The following THAP9 variants were observed in gnomAD, a reference collection of about 807,000 sequenced individuals.
THAP9 encodes the protein DNA transposase THAP9.
A neutral mutation model predicts 35.7 loss-of-function variants in THAP9; 20 were observed. That is an observed-to-expected ratio of 0.56 (90% CI 0.39 to 0.81). The LOEUF (loss-of-function observed/expected upper bound fraction) is 0.81. Ranked by LOEUF, THAP9 falls within the 40% of genes least tolerant of loss-of-function variation. THAP9 has a pLI of 0.00. For synonymous variants in THAP9, 335 were observed against 373.7 expected (o/e 0.90, Z 1.19); for missense variants, 870 against 1,047.4 (o/e 0.83, Z 2.34).
At chr4:82,901,006 G>T in intron 1 of THAP9, 124 bp downstream of exon 1, 3 of 1,177,910 alleles carry the variant, frequency 2.5e-6, no homozygotes, top group Non-Finnish European at 3.7e-6. Context: ...GACGTGACGT[G>T]CGCAGCGTCG....
rs189962084 is a variant in THAP9, at chr4:82,907,265, G to T, written c.581-520G>T. Among the ~76,000 whole-genome samples the T allele has an allele frequency of 5.3e-5, 8 of 152,262 alleles. No individual in the cohort carries two copies. The East Asian group carries it at 1.5e-3, about 29-fold the overall frequency. On this transcript the variant is annotated intron_variant, in intron 3 of 4. Coordinates refer to ENST00000302236, the MANE Select transcript of THAP9 (RefSeq NM_024672.6). ...AAATGTGTCCTCTTTTTAGAAAAGA[G>T]TAGCTATCTCCAAAGGAGATGAATA...
rs112971725 is a variant in THAP9 at position 82,915,403 on chromosome 4, C to A, written c.732-1541C>A. Among the ~76,000 whole-genome samples the A allele has an allele frequency of 7.3e-3, 1,106 of 152,056 alleles. 14 individuals carry two copies. Among genetic ancestry groups the A allele is most frequent in the Middle Eastern group, 0.01 (3 of 294 alleles). ...TCCTGAGTGGCTGGGATTACAGGTGCGCGCCACCATGCCCAGCTAATTTTT... is the reference window on the plus strand; with the variant it reads ...TCCTGAGTGGCTGGGATTACAGGTGAGCGCCACCATGCCCAGCTAATTTTT... On this transcript the variant is annotated intron_variant, in intron 4 of 4. Coordinates refer to ENST00000302236, the MANE Select transcript of THAP9 (RefSeq NM_024672.6).
intron 4 of THAP9, among the ~76,000 whole-genome samples, chr4:82,909,495 A>G (rs1012753894): frequency 2.6e-5 from 4 of 151,964 alleles, no homozygotes; most frequent in South Asian, 2.1e-4. Flanking sequence ...TAAATTTCCA[A>G]CCAGCCTTTT....
At chr4:82,905,847 T>C in intron 2 of THAP9, 1 of 455,822 alleles carries the variant, frequency 2.2e-6, no homozygotes, top group South Asian at 1.6e-5. Context: ...TGTATTATTA[T>C]CCACATTTTA....
rs1163943892 is a variant in THAP9 at position 82,917,060 on chromosome 4, G to A, written c.848G>A (p.Ser283Asn). ...LYQYCSLLIK[S>N]MPLKQQLQWD... Reference sequence around the variant, plus strand: ...CAATACTGTTCATTGTTAATAAAAAGTATGCCTCTCAAGCAACAGCTTCAG... The same window carrying A: ...CAATACTGTTCATTGTTAATAAAAAATATGCCTCTCAAGCAACAGCTTCAG... The change falls in exon 5 of 5, where the codon AGT becomes AAT. Residue 283 changes from serine (S) to asparagine (N), a missense_variant. Transcript: ENST00000302236. The A allele has an allele frequency of 6.2e-7, 1 of 1,613,176 alleles. No individual in the cohort carries two copies. The highest frequency in any genetic ancestry group is 2.2e-5 in the East Asian group (1 of 44,880).
At chr4:82,906,053 A>G (rs1212859240) in intron 2 of THAP9, 7 of 413,850 alleles carry the variant, frequency 1.7e-5, no homozygotes, top group Non-Finnish European at 2.8e-5. Context: ...CACTTCCATG[A>G]AGCCATCCCA....
chr4:82,906,425 T>G lies in THAP9; in HGVS notation c.378T>G (p.Tyr126Ter), dbSNP rs1464203908. 6.2e-7 allele frequency: 1 copy of G among 1,613,712 alleles called. No homozygotes were observed. The highest frequency in any genetic ancestry group is 2.2e-5 in the East Asian group (1 of 44,874). ...SQEVATEDHN[Y>*]SLKTPLTIGA... ...AAGTTGCTACTGAGGACCATAACTATAGTTTAAAGACACCTTTGACGATAG... is the reference window on the plus strand; with the variant it reads ...AAGTTGCTACTGAGGACCATAACTAGAGTTTAAAGACACCTTTGACGATAG... Residue 126 changes from tyrosine to a stop codon, truncating the protein, a stop_gained, in exon 3 of 5, where the codon TAT becomes TAG. Coordinates refer to ENST00000302236, the MANE Select transcript of THAP9 (RefSeq NM_024672.6). LOFTEE classifies it high-confidence loss of function.
At position 82,917,770 on chromosome 4, in the gene THAP9, A is replaced by C; in HGVS notation, c.1558A>C (p.Ile520Leu). ...ACGTTTAATTAACAATCTGTTTGAC[A>C]TCTTTAATAGTAGGAACTGTTATGG... ...FLRLINNLFD[I>L]FNSRNCYGKG... The change falls in exon 5 of 5, where the codon ATC (isoleucine) becomes CTC (leucine). Residue 520 changes from isoleucine to leucine, a missense_variant. Physicochemically the swap from Ile to Leu is conservative, Grantham distance 5 (BLOSUM62 2). Transcript: ENST00000302236. The C allele has an allele frequency of 6.2e-7, 1 of 1,614,044 alleles. No individual in the cohort carries two copies. Among genetic ancestry groups the C allele is most frequent in the Non-Finnish European group, 8.5e-7 (1 of 1,179,984 alleles).
chr4:82,910,419 G>A (rs960346088), intron 4 of THAP9, among the ~76,000 whole-genome samples: 3 of 137,296 alleles, frequency 2.2e-5, no homozygotes, highest in African/African-American at 5.4e-5. Context: ...GCAGTTTTGT[G>A]TATATCCTCC....
intron 4 of THAP9, among the ~76,000 whole-genome samples, chr4:82,913,012 T>A (rs1380467595): frequency 6.6e-6 from 1 of 152,192 alleles, no homozygotes; most frequent in East Asian, 1.9e-4. Flanking sequence ...ATAAAGACAT[T>A]AACAGTAACT....
intron 4 of THAP9, among the ~76,000 whole-genome samples, chr4:82,908,780 G>A (rs1215090465): frequency 6.6e-6 from 1 of 152,098 alleles, no homozygotes; most frequent in Non-Finnish European, 1.5e-5. Flanking sequence ...ATTTTTAGTA[G>A]AGACGGGATT....
intron 4 of THAP9, among the ~76,000 whole-genome samples, chr4:82,914,171 T>C (rs1720963646): frequency 6.6e-6 from 1 of 152,270 alleles, no homozygotes; most frequent in African/African-American, 2.4e-5. Flanking sequence ...CATTCTTTTT[T>C]ATGGCTACAT....
Position 82,918,438 on chromosome 4 carries a change from G to A in THAP9, c.2226G>A (p.Ser742=), listed in dbSNP as rs1319635662. 12 of 1,613,940 alleles carry A rather than the reference G, an allele frequency of 7.4e-6. No individual in the cohort carries two copies. Among genetic ancestry groups the A allele is most frequent in the East Asian group, 4.5e-5 (2 of 44,894 alleles). ...ACTGCATCACTGCACTGTATGCATC[G>A]GATCTCAAAGCCTCTAAAATTGGGT... The part of the protein sequence containing the change: ...CEDCITALYA[S]DLKASKIGSL... The change falls in exon 5 of 5, where the codon TCG becomes TCA. Residue 742 remains serine (S), a synonymous_variant. Transcript: ENST00000302236.
In THAP9 at chr4:82,900,760, C is replaced by T; in HGVS notation, c.-43C>T. 3 of 1,605,288 alleles carry T rather than the reference C, an allele frequency of 1.9e-6. No homozygotes were observed. The highest frequency in any genetic ancestry group is 1.7e-6 in the Non-Finnish European group (2 of 1,172,680). On this transcript the variant is annotated 5_prime_UTR_variant, in exon 1 of 5. Transcript: ENST00000302236. ...GGAGCTAAAGTGGTCGTGATTCATGCTGTCGCGGGAACCCCGAAGGTGGGG... is the reference window on the plus strand; with the variant it reads ...GGAGCTAAAGTGGTCGTGATTCATGTTGTCGCGGGAACCCCGAAGGTGGGG...
chr4:82,915,370 C>T (rs565527290), intron 4 of THAP9, among the ~76,000 whole-genome samples: 1 of 152,290 alleles, frequency 6.6e-6, no homozygotes, highest in South Asian at 2.1e-4. Context: ...ACTTCTCCTG[C>T]CTCAGCCTCC....
At chr4:82,912,155 G>A (rs1230725514) in intron 4 of THAP9, among the ~76,000 whole-genome samples, 1 of 152,064 alleles carries the variant, frequency 6.6e-6, no homozygotes, top group Non-Finnish European at 1.5e-5. Flanking sequence ...TTCAGTGTTT[G>A]GGGTCTTTAA....
chr4:82,900,750 G>T lies in THAP9; in HGVS notation c.-53G>T. ...GTCAACGGGCGGAGCTAAAGTGGTCGTGATTCATGCTGTCGCGGGAACCCC... is the reference window on the plus strand; with the variant it reads ...GTCAACGGGCGGAGCTAAAGTGGTCTTGATTCATGCTGTCGCGGGAACCCC... On this transcript the variant is annotated 5_prime_UTR_variant, in exon 1 of 5. Coordinates refer to ENST00000302236, the MANE Select transcript of THAP9 (RefSeq NM_024672.6). The T allele has an allele frequency of 6.3e-7, 1 of 1,595,990 alleles. No individual in the cohort carries two copies. Among genetic ancestry groups the T allele is most frequent in the Non-Finnish European group, 8.6e-7 (1 of 1,164,420 alleles).
chr4:82,906,350 T>TA lies in THAP9; in HGVS notation c.306dup (p.Ala103SerfsTer20), dbSNP rs1209193526. On this transcript the variant is annotated frameshift_variant, in exon 3 of 5. Coordinates refer to ENST00000302236, the MANE Select transcript of THAP9 (RefSeq NM_024672.6). LOFTEE classifies it high-confidence loss of function. Reference sequence around the variant, plus strand: ...TTCCTCAAGGTGTACATCTTAAAGGTAAAGCAAGACAAAAAATCCTAAAAC... The same window carrying TA: ...TTCCTCAAGGTGTACATCTTAAAGGTAAAAGCAAGACAAAAAATCCTAAAAC... 1 of 1,605,714 alleles carries TA rather than the reference T, an allele frequency of 6.2e-7. No homozygotes were observed. The highest frequency in any genetic ancestry group is 1.3e-5 in the African/African-American group (1 of 74,464).
At chr4:82,913,675 C>A (rs768726792) in intron 4 of THAP9, among the ~76,000 whole-genome samples, 34 of 151,980 alleles carry the variant, frequency 2.2e-4, no homozygotes, top group Admixed American at 4.6e-4. Context: ...CCAACCTCCA[C>A]CCTCGAGTAG....
Sources: gnomAD v4.1 joint callset for allele counts (sites outside exome capture counted in the v4.1 genomes callset) on GRCh38, gnomAD v4.1.1 for gene constraint, MANE v1.5 for transcripts, NCBI Gene and HGNC (gene_info 2026-07-23, HGNC 2026-07-21) for gene names.